GPM6A: variants seen among roughly 807,000 people sequenced by gnomAD.
GPM6A encodes glycoprotein M6A.
GPM6A carries 7 observed loss-of-function variants against 32.1 expected under a neutral mutation model. That is an observed-to-expected ratio of 0.22 (90% CI 0.12 to 0.41). GPM6A has a LOEUF of 0.41. Ranked by LOEUF, GPM6A falls within the 10% of genes least tolerant of loss-of-function variation. GPM6A has a pLI of 1.00. For missense variants in GPM6A, 235 were observed against 347.2 expected (o/e 0.68, Z 2.57); for synonymous variants, 130 against 123.4 (o/e 1.05, Z -0.35).
intron 1 of GPM6A, among the ~76,000 whole-genome samples, chr4:175,794,534 T>A (rs1485408169): frequency 6.6e-6 from 1 of 152,240 alleles, no homozygotes; most frequent in Admixed American, 6.5e-5. Flanking sequence ...AATTCAAGAT[T>A]AATATTGCTC....
intron 1 of GPM6A, among the ~76,000 whole-genome samples, chr4:175,827,301 C>T (rs1231627725): frequency 6.6e-6 from 1 of 152,154 alleles, no homozygotes. Context: ...TGTAATAATA[C>T]AAAACGTTTA....
intron 1 of GPM6A, among the ~76,000 whole-genome samples, chr4:175,923,197 G>C (rs1738722594): frequency 7.4e-6 from 1 of 135,064 alleles, no homozygotes; most frequent in South Asian, 2.4e-4. Context: ...TATAGTCCCT[G>C]ACATTTCATA....
At chr4:175,900,761 C>A (rs529609048) in intron 1 of GPM6A, among the ~76,000 whole-genome samples, 1 of 152,110 alleles carries the variant, frequency 6.6e-6, no homozygotes, top group Non-Finnish European at 1.5e-5. Flanking sequence ...TCCAACAATC[C>A]CACTGCTTGG....
chr4:175,823,185 T>C (rs1035851884), intron 1 of GPM6A, among the ~76,000 whole-genome samples: 2 of 152,236 alleles, frequency 1.3e-5, no homozygotes, highest in East Asian at 1.9e-4. Context: ...GTTTCCCTAA[T>C]ACTAAACTTA....
intron 1 of GPM6A, among the ~76,000 whole-genome samples, chr4:175,712,818 A>C (rs1745631141): frequency 6.6e-6 from 1 of 152,222 alleles, no homozygotes; most frequent in Non-Finnish European, 1.5e-5. Context: ...AGAAGTGATC[A>C]AAAAATATGG....
chr4:175,997,528 C>A (rs1224201416), intron 1 of GPM6A, among the ~76,000 whole-genome samples: 1 of 151,920 alleles, frequency 6.6e-6, no homozygotes. Flanking sequence ...GAACCTTGCC[C>A]AACCTTCTCA....
At chr4:175,979,811 T>C (rs1740770411) in intron 1 of GPM6A, among the ~76,000 whole-genome samples, 1 of 152,214 alleles carries the variant, frequency 6.6e-6, no homozygotes, top group African/African-American at 2.4e-5. Flanking sequence ...ACCACTAAGT[T>C]AATTAAAAGT....
chr4:175,774,711 T>C (rs1733324798), intron 1 of GPM6A, among the ~76,000 whole-genome samples: 2 of 152,062 alleles, frequency 1.3e-5, no homozygotes, highest in African/African-American at 4.8e-5. Flanking sequence ...AGAATACATG[T>C]TAATGTCAAC....
intron 1 of GPM6A, among the ~76,000 whole-genome samples, chr4:175,877,478 C>T (rs1478378998): frequency 1.3e-5 from 2 of 152,050 alleles, no homozygotes; most frequent in Non-Finnish European, 2.9e-5. Flanking sequence ...GCTGGCGAGG[C>T]CTCAAGAAAC....
chr4:175,942,220 T>C (rs545507677), intron 1 of GPM6A, among the ~76,000 whole-genome samples: 5 of 152,272 alleles, frequency 3.3e-5, no homozygotes, highest in African/African-American at 1.2e-4. Flanking sequence ...CACTTTTTGA[T>C]GGGGTTGTTT....
intron 2 of GPM6A, among the ~76,000 whole-genome samples, chr4:175,698,340 T>G (rs929407167): frequency 6.6e-6 from 1 of 152,148 alleles, no homozygotes; most frequent in Non-Finnish European, 1.5e-5. Context: ...ATTAGGTAAG[T>G]CTTTTCTCCA....
chr4:175,989,332 G>A (rs866588776), intron 1 of GPM6A, among the ~76,000 whole-genome samples: 13 of 151,944 alleles, frequency 8.6e-5, no homozygotes, highest in African/African-American at 1.7e-4. Context: ...AACATTCATC[G>A]TTTGAGCTTT....
At chr4:175,783,443 G>A (rs1733685531) in intron 1 of GPM6A, among the ~76,000 whole-genome samples, 1 of 151,698 alleles carries the variant, frequency 6.6e-6, no homozygotes, top group South Asian at 2.1e-4. Context: ...AGTATTTGTG[G>A]AATACCAAGT....
At chr4:175,680,802 T>C (rs1743642723) in intron 2 of GPM6A, among the ~76,000 whole-genome samples, 1 of 152,232 alleles carries the variant, frequency 6.6e-6, no homozygotes, top group Non-Finnish European at 1.5e-5. Context: ...TGTATATGTC[T>C]ATTTTCCCTT....
intron 1 of GPM6A, among the ~76,000 whole-genome samples, chr4:175,707,178 TATCCCTTTACTTTCTTA>T (rs1272479660): frequency 2.0e-5 from 3 of 152,234 alleles, no homozygotes; most frequent in African/African-American, 7.2e-5. Context: ...AGCCATTCTT[TATCCCTTTACTTTCTTA>T]ATAAACTTCC....
chr4:175,792,022 A>G (rs1027104794), intron 1 of GPM6A, among the ~76,000 whole-genome samples: 6 of 152,222 alleles, frequency 3.9e-5, no homozygotes, highest in South Asian at 2.1e-4. Flanking sequence ...CATCAGTAAA[A>G]TTAGCATTGA....
At chr4:175,873,804 C>T (rs769751595) in intron 1 of GPM6A, among the ~76,000 whole-genome samples, 31 of 152,088 alleles carry the variant, frequency 2.0e-4, no homozygotes, top group Non-Finnish European at 4.1e-4. Flanking sequence ...TATTTGTATT[C>T]AGGAAGCTCA....
chr4:175,672,671 T>C lies in GPM6A; in HGVS notation c.387+1009A>G, dbSNP rs1743152631. ...AATTTAAAGCCCCTTAGTCACATTA[T>C]TGGGATTCCAGTTTTACTCCTACTC... On this transcript the variant is annotated intron_variant, in intron 3 of 6. Coordinates refer to ENST00000393658, the MANE Select transcript of GPM6A (RefSeq NM_201591.3). Among the ~76,000 whole-genome samples the C allele has an allele frequency of 2.6e-5, 4 of 152,348 alleles. No individual in the cohort carries two copies. In the South Asian group the frequency reaches 6.2e-4, roughly 24 times the overall value.
chr4:175,637,304 T>G (rs1579324336), intron 6 of GPM6A, among the ~76,000 whole-genome samples: 1 of 38,946 alleles, frequency 2.6e-5, no homozygotes, highest in Non-Finnish European at 4.4e-5. Flanking sequence ...ATATTATATA[T>G]TATATATAAT....
Sources: allele counts gnomAD v4.1 joint callset (sites outside exome capture counted in the v4.1 genomes callset), GRCh38; gene constraint gnomAD v4.1.1; transcripts MANE v1.5; gene names NCBI Gene and HGNC (gene_info 2026-07-23, HGNC 2026-07-21).